Variants in MAPK10 observed in about 807,000 individuals in gnomAD.
The protein encoded by MAPK10 is JNK3 alpha protein kinase.
In MAPK10, 25 loss-of-function variants were observed where a neutral mutation model predicts 59.3. That is an observed-to-expected ratio of 0.42 (90% CI 0.31 to 0.59). MAPK10 has a LOEUF of 0.59. Among genes scored for constraint, MAPK10 ranks in the 20% least tolerant of loss-of-function variants. MAPK10 has a pLI of 0.15. For missense variants in MAPK10, 351 were observed against 568.9 expected (o/e 0.62, Z 3.90); for synonymous variants, 190 against 200.5 (o/e 0.95, Z 0.44).
intron 7 of MAPK10, 71 bp downstream of exon 7, chr4:86,101,823 A>G (rs1325476452): frequency 6.6e-7 from 1 of 1,523,462 alleles, no homozygotes; most frequent in Non-Finnish European, 9.0e-7. Context: ...CCCCCCGTAT[A>G]AAGAAAATAA....
At chr4:86,064,599 G>A in intron 10 of MAPK10, 1 of 557,070 alleles carries the variant, frequency 1.8e-6, no homozygotes, top group Non-Finnish European at 3.2e-6. Flanking sequence ...GCTCTCCAAG[G>A]GTTGTAACAC....
In MAPK10 at chr4:86,130,405, G is replaced by A. The variant is rs148249783; in HGVS notation, c.237-23053C>T. Reference sequence around the variant, plus strand: ...TACTCAAAGAACTATACCATATTGAGGAATATAAGATAGATTCAAACTAAA... The same window carrying A: ...TACTCAAAGAACTATACCATATTGAAGAATATAAGATAGATTCAAACTAAA... On this transcript the variant is annotated intron_variant, in intron 4 of 13. Coordinates refer to ENST00000641462, the MANE Select transcript of MAPK10 (RefSeq NM_138982.4). 1.1e-4 allele frequency among the ~76,000 whole-genome samples: 17 copies of A among 151,950 alleles called. No individual in the cohort carries two copies. The East Asian group carries it at 3.3e-3, about 29-fold the overall frequency.
At chr4:86,282,383 T>C (rs146800534) in intron 2 of MAPK10, among the ~76,000 whole-genome samples, 265 of 152,338 alleles carry the variant, frequency 1.7e-3, no homozygotes, top group African/African-American at 6.1e-3. Context: ...AAATATTGTG[T>C]TTAATTTTTT....
intron 1 of MAPK10, among the ~76,000 whole-genome samples, chr4:86,402,925 A>ACCCTTGGT (rs1743905773): frequency 1.3e-5 from 2 of 151,994 alleles, no homozygotes; most frequent in Non-Finnish European, 2.9e-5. Context: ...AGCATCTGGG[A>ACCCTTGGT]CCCTTGGTAA....
In MAPK10 at chr4:86,359,745, A is replaced by T; in HGVS notation, c.-209T>A. 1 of 985,676 alleles carries T rather than the reference A, an allele frequency of 1.0e-6. No individual in the cohort carries two copies. Among genetic ancestry groups the T allele is most frequent in the South Asian group, 4.7e-5 (1 of 21,276 alleles). 61.1% of individuals were successfully genotyped at this position (985,676 alleles called of 1,614,324 possible). The stretch of plus-strand genomic sequence containing the variant: ...TTGTTTTTCATTAACCACATTCCAG[A>T]CTAACATGGAAGAGATTCTTTGGAG... On this transcript the variant is annotated 5_prime_UTR_variant, in exon 1 of 14. Transcript: ENST00000641462.
At chr4:86,588,856 A>G (rs55654230) in intron 1 of MAPK10, among the ~76,000 whole-genome samples, 47,320 of 152,122 alleles carry the variant, frequency 0.31, 7,643 homozygotes, top group Admixed American at 0.36. Context: ...TGCTCTAAAT[A>G]AATTCACTCA....
chr4:86,450,159 A>G (rs1376074293), intron 1 of MAPK10, among the ~76,000 whole-genome samples: 1 of 152,260 alleles, frequency 6.6e-6, no homozygotes, highest in Admixed American at 6.5e-5. Flanking sequence ...AGCAATAGAG[A>G]ACTAATAAAC....
rs752396172 is a variant in MAPK10 at position 86,275,095 on chromosome 4, A to G, written c.-7+79435T>C. Among the ~76,000 whole-genome samples, 7 of 152,186 alleles carry G rather than the reference A, an allele frequency of 4.6e-5. No individual in the cohort carries two copies. The South Asian group carries it at 1.5e-3, about 32-fold the overall frequency. On this transcript the variant is annotated intron_variant, in intron 2 of 13. Transcript: ENST00000641462. ...TAAAATAAAGAAAATTAAACCTGTG[A>G]CAATGACTTTGTGCAGTCATTAAAT...
intron 2 of MAPK10, among the ~76,000 whole-genome samples, chr4:86,349,589 G>C (rs142130694): frequency 2.0e-5 from 3 of 152,266 alleles, no homozygotes; most frequent in African/African-American, 4.8e-5. Context: ...TAATGCACAG[G>C]TTACTGTGAG....
At chr4:86,316,836 A>G (rs1217352654) in intron 2 of MAPK10, among the ~76,000 whole-genome samples, 2 of 152,166 alleles carry the variant, frequency 1.3e-5, no homozygotes, top group Non-Finnish European at 2.9e-5. Context: ...TCCTAACGGC[A>G]TTAGCGGCAG....
intron 2 of MAPK10, among the ~76,000 whole-genome samples, chr4:86,290,978 G>A (rs1564030852): frequency 6.6e-6 from 1 of 152,130 alleles, no homozygotes; most frequent in Non-Finnish European, 1.5e-5. Flanking sequence ...ATAAGGCAGG[G>A]TCAACATTCT....
chr4:86,025,342 G>A, intron 13 of MAPK10: 1 of 393,104 alleles, frequency 2.5e-6, no homozygotes. Flanking sequence ...CTCCTTGCCT[G>A]CAGCCACTTC....
chr4:86,514,163 T>C (rs1034280069), intron 1 of MAPK10, among the ~76,000 whole-genome samples: 3 of 152,076 alleles, frequency 2.0e-5, no homozygotes, highest in Non-Finnish European at 4.4e-5. Flanking sequence ...GGGAAAGCCA[T>C]GAAGACAGAA....
intron 1 of MAPK10, among the ~76,000 whole-genome samples, chr4:86,569,502 G>C (rs892877373): frequency 1.3e-5 from 2 of 151,992 alleles, no homozygotes; most frequent in Non-Finnish European, 2.9e-5. Flanking sequence ...AGCTGCACTC[G>C]TATGCTTATC....
At chr4:86,487,677 G>C (rs575092609) in intron 1 of MAPK10, among the ~76,000 whole-genome samples, 1 of 149,962 alleles carries the variant, frequency 6.7e-6, no homozygotes, top group Non-Finnish European at 1.5e-5. Context: ...CTTGCAGTGA[G>C]CTGAGATAGT....
chr4:86,547,855 A>G (rs1759365148), intron 1 of MAPK10, among the ~76,000 whole-genome samples: 1 of 152,096 alleles, frequency 6.6e-6, no homozygotes, highest in African/African-American at 2.4e-5. Flanking sequence ...ACCAATCGAC[A>G]CTCTGTATTT....
chr4:86,255,348 A>T (rs1009564285), intron 2 of MAPK10, among the ~76,000 whole-genome samples: 1 of 152,166 alleles, frequency 6.6e-6, no homozygotes, highest in African/African-American at 2.4e-5. Flanking sequence ...TTTGATATGA[A>T]GTTTTTCTGT....
intron 11 of MAPK10, among the ~76,000 whole-genome samples, chr4:86,043,622 T>A (rs2041992661): frequency 6.6e-6 from 1 of 152,188 alleles, no homozygotes. Context: ...CATGTTTATT[T>A]GTAAGAAGTA....
chr4:86,339,946 T>A (rs1182154392), intron 2 of MAPK10, among the ~76,000 whole-genome samples: 1 of 152,246 alleles, frequency 6.6e-6, no homozygotes, highest in Non-Finnish European at 1.5e-5. Context: ...TGTACCAATT[T>A]ACATGAAACA....
Sources: gnomAD v4.1 joint callset for allele counts (sites outside exome capture counted in the v4.1 genomes callset) on GRCh38, gnomAD v4.1.1 for gene constraint, MANE v1.5 for transcripts, NCBI Gene and HGNC (gene_info 2026-07-23, HGNC 2026-07-21) for gene names.